NTM: variants seen among roughly 807,000 people sequenced by gnomAD.
NTM encodes neurotrimin.
NTM carries 13 observed loss-of-function variants against 42.1 expected under a neutral mutation model. The ratio of observed to expected loss-of-function variants is 0.31; its 90% CI spans 0.20 to 0.49. The LOEUF (loss-of-function observed/expected upper bound fraction) is 0.49. NTM is among the 20% of genes least tolerant of loss of function. The probability of loss-of-function intolerance (pLI) is 0.99; values close to 1 mark genes in which losing one functional copy is unlikely to be tolerated. For synonymous variants in NTM, 187 were observed against 179.2 expected (o/e 1.04, Z -0.35); for missense variants, 373 against 452.8 (o/e 0.82, Z 1.60).
chr11:131,608,663 A>G (rs1488833202), intron 1 of NTM, among the ~76,000 whole-genome samples: 2 of 140,626 alleles, frequency 1.4e-5, no homozygotes, highest in East Asian at 4.4e-4. Flanking sequence ...TTTTCAGCCT[A>G]TCAATTATTC....
intron 1 of NTM, among the ~76,000 whole-genome samples, chr11:131,674,813 C>T (rs1466532680): frequency 6.6e-6 from 1 of 152,188 alleles, no homozygotes; most frequent in Non-Finnish European, 1.5e-5. Flanking sequence ...TATCAGGCAC[C>T]TAAACTCATT....
intron 2 of NTM, among the ~76,000 whole-genome samples, chr11:132,024,388 C>G (rs866713820): frequency 1.3e-5 from 2 of 152,106 alleles, no homozygotes; most frequent in Admixed American, 6.5e-5. Flanking sequence ...TGCTCAAACC[C>G]CTTACCTAAA....
intron 1 of NTM, among the ~76,000 whole-genome samples, chr11:131,403,624 C>T (rs542382505): frequency 2.4e-4 from 37 of 152,296 alleles, no homozygotes; most frequent in African/African-American, 8.2e-4. Context: ...GCCCAGGAAT[C>T]CCACTATGCA....
At chr11:131,950,628 G>A (rs555359301) in intron 2 of NTM, among the ~76,000 whole-genome samples, 14 of 152,204 alleles carry the variant, frequency 9.2e-5, no homozygotes, top group South Asian at 2.1e-4. Context: ...CTTAGCCTCC[G>A]TTTACTAAAA....
At chr11:131,882,914 A>C (rs2049779471) in intron 1 of NTM, among the ~76,000 whole-genome samples, 1 of 152,186 alleles carries the variant, frequency 6.6e-6, no homozygotes, top group African/African-American at 2.4e-5. Context: ...GGAATAGGTC[A>C]AAAAAGTTCA....
rs905619055 is a variant in NTM, at chr11:131,776,131, C to G, written c.83-135433C>G. Among the ~76,000 whole-genome samples the G allele has an allele frequency of 1.7e-4, 26 of 152,172 alleles. 1 individual carries two copies. The highest frequency in any genetic ancestry group is 1.1e-3 in the Admixed American group (17 of 15,276). ...CTGGAATAATAATCCTGTGTGGAAG[C>G]TCCACTCTTAATTAGGTTCAAACTA... On this transcript the variant is annotated intron_variant, in intron 1 of 8. Coordinates refer to ENST00000683400, the MANE Select transcript of NTM (RefSeq NM_001352005.2).
intron 1 of NTM, among the ~76,000 whole-genome samples, chr11:131,881,570 C>G (rs566038623): frequency 6.7e-4 from 102 of 151,996 alleles, no homozygotes; most frequent in Non-Finnish European, 1.3e-3. Context: ...ATGCAAAACA[C>G]AGCGGAAAAA....
chr11:131,969,898 C>G (rs1284658070), intron 2 of NTM, among the ~76,000 whole-genome samples: 1 of 152,188 alleles, frequency 6.6e-6, no homozygotes, highest in Admixed American at 6.5e-5. Flanking sequence ...CTCACTACAG[C>G]CTTGACGTCC....
At chr11:132,201,788 C>T (rs2138473425) in intron 3 of NTM, among the ~76,000 whole-genome samples, 1 of 152,320 alleles carries the variant, frequency 6.6e-6, no homozygotes, top group East Asian at 1.9e-4. Flanking sequence ...TCACTAAGTG[C>T]TTTCAATTAT....
intron 2 of NTM, among the ~76,000 whole-genome samples, chr11:132,008,585 G>T (rs930450304): frequency 5.3e-5 from 8 of 151,936 alleles, no homozygotes; most frequent in Admixed American, 5.2e-4. Flanking sequence ...CCAGATGTGA[G>T]TGCTGAGGGG....
At chr11:132,300,601 T>C (rs796381828) in intron 4 of NTM, among the ~76,000 whole-genome samples, 1 of 152,322 alleles carries the variant, frequency 6.6e-6, no homozygotes, top group East Asian at 1.9e-4. Flanking sequence ...AATGTCACAT[T>C]GTGGAAACAC....
At chr11:131,440,177 A>G (rs774017275) in intron 1 of NTM, among the ~76,000 whole-genome samples, 8 of 151,978 alleles carry the variant, frequency 5.3e-5, no homozygotes, top group Non-Finnish European at 8.8e-5. Context: ...ATTTAAAATT[A>G]ATGTTCCTTA....
chr11:131,495,050 G>A (rs1955190490), intron 1 of NTM, among the ~76,000 whole-genome samples: 1 of 152,174 alleles, frequency 6.6e-6, no homozygotes, highest in South Asian at 2.1e-4. Context: ...TTATTTGAAG[G>A]AAGCTGAGAA....
At chr11:131,616,089 G>C (rs2061904449) in intron 1 of NTM, among the ~76,000 whole-genome samples, 1 of 152,232 alleles carries the variant, frequency 6.6e-6, no homozygotes, top group Non-Finnish European at 1.5e-5. Context: ...GTTCTCAGCT[G>C]ATGCCTCTGT....
At chr11:131,504,408 C>T (rs2047230961) in intron 1 of NTM, among the ~76,000 whole-genome samples, 1 of 152,198 alleles carries the variant, frequency 6.6e-6, no homozygotes, top group African/African-American at 2.4e-5. Context: ...CCGCAGCTAC[C>T]CAGCTCAGCC....
chr11:131,876,392 G>T (rs1468460959), intron 1 of NTM, among the ~76,000 whole-genome samples: 1 of 152,212 alleles, frequency 6.6e-6, no homozygotes, highest in Non-Finnish European at 1.5e-5. Context: ...ACCACATTCA[G>T]ACTCTCTGGC....
intron 1 of NTM, among the ~76,000 whole-genome samples, chr11:131,732,350 T>C (rs1442577117): frequency 1.3e-5 from 2 of 152,218 alleles, no homozygotes; most frequent in Non-Finnish European, 2.9e-5. Context: ...ATCTCTGTAA[T>C]CCATCACCTT....
intron 1 of NTM, among the ~76,000 whole-genome samples, chr11:131,503,543 G>A (rs1591851747): frequency 9.2e-6 from 1 of 108,372 alleles, no homozygotes; most frequent in East Asian, 2.2e-4. Context: ...TTTTTTTTGA[G>A]ACAAGGTCTT....
chr11:132,325,795 A>G (rs990615115), intron 7 of NTM, among the ~76,000 whole-genome samples: 2 of 152,268 alleles, frequency 1.3e-5, no homozygotes, highest in African/African-American at 4.8e-5. Context: ...AGACTGGATT[A>G]AGAAAATGTG....
Sources: allele counts gnomAD v4.1 joint callset (sites outside exome capture counted in the v4.1 genomes callset), GRCh38; gene constraint gnomAD v4.1.1; transcripts MANE v1.5; gene names NCBI Gene and HGNC (gene_info 2026-07-23, HGNC 2026-07-21).